The following ASTN2 variants were observed in gnomAD, a reference collection of about 807,000 sequenced individuals.
ASTN2 encodes the protein astrotactin-2.
ASTN2 carries 54 observed loss-of-function variants against 139.8 expected under a neutral mutation model. The ratio of observed to expected loss-of-function variants is 0.39; its 90% CI spans 0.31 to 0.48. The LOEUF is 0.48. Ranked by LOEUF, ASTN2 falls within the 20% of genes least tolerant of loss-of-function variation. The probability of loss-of-function intolerance (pLI) is 0.95; values close to 1 mark genes in which losing one functional copy is unlikely to be tolerated. For synonymous variants in ASTN2, 756 were observed against 719.5 expected, an observed-to-expected ratio of 1.05 and a Z score of -0.81; for missense variants, 1,565 against 1,725.1, an observed-to-expected ratio of 0.91 and a Z score of 1.64.
intron 19 of ASTN2, among the ~76,000 whole-genome samples, chr9:116,605,460 A>G (rs937499962): frequency 1.3e-5 from 2 of 152,214 alleles, no homozygotes; most frequent in African/African-American, 2.4e-5. Context: ...GGAGAGCAGA[A>G]GATGACCAAA....
At chr9:116,595,803 G>C (rs939169087) in intron 19 of ASTN2, among the ~76,000 whole-genome samples, 1 of 152,154 alleles carries the variant, frequency 6.6e-6, no homozygotes, top group Non-Finnish European at 1.5e-5. Flanking sequence ...TTACGCTCAA[G>C]AGCAAGAGAA....
intron 20 of ASTN2, among the ~76,000 whole-genome samples, chr9:116,475,908 C>A (rs1241132375): frequency 6.6e-6 from 1 of 152,216 alleles, no homozygotes; most frequent in Admixed American, 6.5e-5. Flanking sequence ...CTCTCTGCTG[C>A]AGCGTTGTCT....
intron 19 of ASTN2, chr9:116,612,621 C>T (rs1314261089): frequency 1.3e-5 from 2 of 152,158 alleles, no homozygotes; most frequent in African/African-American, 2.4e-5. Context: ...TGAATGACTA[C>T]TGGGTACATA....
chr9:117,217,298 A>C (rs1832356132), intron 2 of ASTN2, among the ~76,000 whole-genome samples: 1 of 152,154 alleles, frequency 6.6e-6, no homozygotes, highest in African/African-American at 2.4e-5. Flanking sequence ...TGTCTTCTCA[A>C]CTTTGGGCAT....
intron 1 of ASTN2, among the ~76,000 whole-genome samples, chr9:117,375,912 C>T (rs1830109765): frequency 6.6e-6 from 1 of 152,160 alleles, no homozygotes; most frequent in East Asian, 1.9e-4. Flanking sequence ...CTCCTGGCAC[C>T]TTCCTCCCAC....
rs533413080 is a variant in ASTN2, at chr9:117,229,034, A to G, written c.631-14292T>C. On this transcript the variant is annotated intron_variant, in intron 2 of 22. Coordinates refer to ENST00000313400, the MANE Select transcript of ASTN2 (RefSeq NM_001365068.1). ...ACAAAACAAAACAAAACAAACAAAA[A>G]AAACCATGAAGTTCAATATCTCCTG... Among the ~76,000 whole-genome samples the G allele has an allele frequency of 1.4e-4, 20 of 146,550 alleles. 3 individuals carry two copies. Among genetic ancestry groups the G allele is most frequent in the African/African-American group, 5.0e-4 (20 of 40,332 alleles).
At chr9:117,006,744 A>T (rs1019203403) in intron 7 of ASTN2, among the ~76,000 whole-genome samples, 1 of 151,946 alleles carries the variant, frequency 6.6e-6, no homozygotes, top group Non-Finnish European at 1.5e-5. Flanking sequence ...CATGCCCCCA[A>T]ACTTCTTCTT....
In ASTN2 at chr9:117,355,541, C is replaced by T. The variant is rs142433090; in HGVS notation, c.442+58956G>A. ...AGCTAGTGGACAACCAGACACCAGG[C>T]TGCTTAGCTCCCAGGCAAAGGCAGA... On this transcript the variant is annotated intron_variant, in intron 1 of 22. Coordinates refer to ENST00000313400, the MANE Select transcript of ASTN2 (RefSeq NM_001365068.1). Among the ~76,000 whole-genome samples, 3 of 152,264 alleles carry T rather than the reference C, an allele frequency of 2.0e-5. No individual in the cohort carries two copies. The East Asian group carries it at 5.8e-4, about 29-fold the overall frequency.
At chr9:116,756,857 T>C (rs1408623091) in intron 13 of ASTN2, among the ~76,000 whole-genome samples, 1 of 151,802 alleles carries the variant, frequency 6.6e-6, no homozygotes, top group African/African-American at 2.4e-5. Context: ...TAAAGGAAAC[T>C]GAGTGGCTTA....
chr9:117,345,458 T>G (rs1229780314), intron 1 of ASTN2, among the ~76,000 whole-genome samples: 1 of 152,168 alleles, frequency 6.6e-6, no homozygotes. Context: ...ACTTAATCTT[T>G]ACAAAATCCC....
At chr9:116,762,357 T>C (rs865957040) in intron 13 of ASTN2, among the ~76,000 whole-genome samples, 6 of 152,300 alleles carry the variant, frequency 3.9e-5, no homozygotes, top group Middle Eastern at 3.4e-3. Context: ...TTTTTCTCTT[T>C]GTCTATCTTG....
chr9:116,735,095 G>A (rs764481908), intron 13 of ASTN2, among the ~76,000 whole-genome samples: 2 of 152,200 alleles, frequency 1.3e-5, no homozygotes, highest in Non-Finnish European at 2.9e-5. Context: ...TTAACAGGTG[G>A]TGGAGCTGGG....
intron 3 of ASTN2, among the ~76,000 whole-genome samples, chr9:117,154,733 T>C (rs1471322985): frequency 1.3e-5 from 2 of 152,038 alleles, no homozygotes; most frequent in East Asian, 3.9e-4. Flanking sequence ...TACATCAAGG[T>C]CCAAATCCTG....
At chr9:116,928,161 C>T (rs1035582709) in intron 10 of ASTN2, among the ~76,000 whole-genome samples, 19 of 152,094 alleles carry the variant, frequency 1.2e-4, no homozygotes, top group African/African-American at 2.7e-4. Flanking sequence ...TGGCAGATGC[C>T]GTATGTGAAA....
intron 19 of ASTN2, among the ~76,000 whole-genome samples, chr9:116,551,924 T>C (rs1031172352): frequency 1.3e-5 from 2 of 152,194 alleles, no homozygotes; most frequent in African/African-American, 4.8e-5. Flanking sequence ...AAAAGGAAAA[T>C]GCTATCTAGC....
chr9:116,732,377 C>T (rs548974268), intron 14 of ASTN2, among the ~76,000 whole-genome samples: 7 of 152,264 alleles, frequency 4.6e-5, no homozygotes, highest in South Asian at 2.1e-4. Flanking sequence ...GAAAGGCTCA[C>T]GGGAGTTAGA....
intron 1 of ASTN2, among the ~76,000 whole-genome samples, chr9:117,360,694 T>A (rs1431942555): frequency 1.3e-5 from 2 of 152,162 alleles, no homozygotes; most frequent in Non-Finnish European, 2.9e-5. Context: ...TCACTGGAAC[T>A]GAGCAGCCAA....
intron 16 of ASTN2, among the ~76,000 whole-genome samples, chr9:116,653,429 A>G (rs1320354558): frequency 6.6e-6 from 1 of 152,234 alleles, no homozygotes; most frequent in African/African-American, 2.4e-5. Context: ...TTCTATGGCT[A>G]TATCAAAAAC....
chr9:116,944,507 C>A (rs1835326703), intron 10 of ASTN2, among the ~76,000 whole-genome samples: 1 of 151,646 alleles, frequency 6.6e-6, no homozygotes, highest in African/African-American at 2.4e-5. Context: ...ATGGGGAAAT[C>A]CTGCCTCTAC....
Sources: allele counts gnomAD v4.1 joint callset (sites outside exome capture counted in the v4.1 genomes callset), GRCh38; gene constraint gnomAD v4.1.1; transcripts MANE v1.5; gene names NCBI Gene and HGNC (gene_info 2026-07-23, HGNC 2026-07-21).